ESF1: variants seen among roughly 807,000 people sequenced by gnomAD.
The protein encoded by ESF1 is ESF1 nucleolar pre-rRNA processing protein, also known as ESF1 homolog.
Under a neutral mutation model 92.0 loss-of-function variants are expected in ESF1, and 58 were observed. That is an observed-to-expected ratio of 0.63 (90% CI 0.51 to 0.78). The LOEUF is 0.78. ESF1 is among the 30% of genes least tolerant of loss of function. The pLI is 0.00. For missense variants in ESF1, 922 were observed against 989.1 expected (o/e 0.93, Z 0.91); for synonymous variants, 321 against 313.7 (o/e 1.02, Z -0.24).
At chr20:13,775,081 CCAA>C (rs1979865956) in intron 4 of ESF1, 73 bp downstream of exon 4, 1 of 785,380 alleles carries the variant, frequency 1.3e-6, no homozygotes, top group Non-Finnish European at 1.8e-6. Context: ...AAAACTATGG[CCAA>C]AAAAAAAAAA....
At chr20:13,720,680 C>T (rs2049861868) in intron 11 of ESF1, among the ~76,000 whole-genome samples, 3 of 152,150 alleles carry the variant, frequency 2.0e-5, no homozygotes, top group Admixed American at 2.0e-4. Context: ...TATATAGTAA[C>T]ATCTTGTATA....
At chr20:13,731,456 C>T (rs749118662) in intron 10 of ESF1, among the ~76,000 whole-genome samples, 5 of 148,974 alleles carry the variant, frequency 3.4e-5, no homozygotes, top group East Asian at 2.0e-4. Context: ...GGTGTGAACC[C>T]GGGAGGTGGA....
Position 13,772,496 on chromosome 20 carries a change from T to A in ESF1, c.1250+19A>T. ...TGAATTTATGAGGTTTAGTTTTATGTTCTATAGTGATTTAATACCAGTCTT... is the reference window on the plus strand; with the variant it reads ...TGAATTTATGAGGTTTAGTTTTATGATCTATAGTGATTTAATACCAGTCTT... On this transcript the variant is annotated intron_variant, in intron 5 of 13. Coordinates refer to ENST00000617257, the MANE Select transcript of ESF1 (RefSeq NM_001276380.2). 6.5e-7 allele frequency: 1 copy of A among 1,529,362 alleles called. No individual in the cohort carries two copies. Among genetic ancestry groups the A allele is most frequent in the Admixed American group, 1.7e-5 (1 of 59,924 alleles). 94.7% of individuals were successfully genotyped at this position (1,529,362 alleles called of 1,614,324 possible).
intron 9 of ESF1, among the ~76,000 whole-genome samples, chr20:13,751,448 G>A (rs1317564168): frequency 1.3e-5 from 2 of 152,164 alleles, no homozygotes; most frequent in African/African-American, 4.8e-5. Flanking sequence ...TAACAGTATA[G>A]TCTAGAAACG....
chr20:13,732,527 T>G (rs1234082613), intron 10 of ESF1, among the ~76,000 whole-genome samples: 1 of 152,028 alleles, frequency 6.6e-6, no homozygotes, highest in African/African-American at 2.4e-5. Flanking sequence ...ATAGAAACAG[T>G]ATAGTGGGGA....
At chr20:13,727,985 C>T (rs985593367) in intron 11 of ESF1, among the ~76,000 whole-genome samples, 3 of 152,122 alleles carry the variant, frequency 2.0e-5, no homozygotes, top group Admixed American at 2.0e-4. Context: ...TCTTGATAGA[C>T]TTTGCTGAGA....
At chr20:13,729,691 A>G (rs1417262652) in intron 10 of ESF1, among the ~76,000 whole-genome samples, 1 of 152,256 alleles carries the variant, frequency 6.6e-6, no homozygotes, top group Admixed American at 6.5e-5. Flanking sequence ...ACACAAAAGT[A>G]GGACAATGTA....
chr20:13,719,945 C>T (rs2049856195), intron 11 of ESF1, among the ~76,000 whole-genome samples: 1 of 152,174 alleles, frequency 6.6e-6, no homozygotes, highest in South Asian at 2.1e-4. Context: ...AACTTTCTAG[C>T]TCTATTACCA....
Position 13,783,193 on chromosome 20 carries a change from A to G in ESF1, c.-43-10T>C. The G allele has an allele frequency of 6.5e-7, 1 of 1,526,798 alleles. No homozygotes were observed. Among genetic ancestry groups the G allele is most frequent in the Non-Finnish European group, 8.8e-7 (1 of 1,133,134 alleles). 94.6% of individuals were successfully genotyped at this position (1,526,798 alleles called of 1,614,324 possible). A position where few individuals can be genotyped will look rare whatever the true frequency, so the allele number is the denominator to read the frequency against. On this transcript the variant is annotated splice_polypyrimidine_tract_variant and intron_variant, in intron 1 of 13. Coordinates refer to ENST00000617257, the MANE Select transcript of ESF1 (RefSeq NM_001276380.2). ...TTGAAGAAAACAAATACTGAAAAAT[A>G]AAACAAATGTTTTAATGGTAATAAT...
intron 11 of ESF1, among the ~76,000 whole-genome samples, chr20:13,720,368 T>C (rs1221131626): frequency 6.6e-6 from 1 of 152,090 alleles, no homozygotes; most frequent in East Asian, 1.9e-4. Context: ...CAGCAAGTCA[T>C]CTTTGGAACA....
At chr20:13,728,191 G>A (rs1230069531) in intron 11 of ESF1, among the ~76,000 whole-genome samples, 187 bp downstream of exon 11, 2 of 152,102 alleles carry the variant, frequency 1.3e-5, no homozygotes, top group African/African-American at 2.4e-5. Flanking sequence ...CTTGTATGTA[G>A]AAGGGACAAG....
chr20:13,749,382 T>C (rs1016989017), intron 9 of ESF1, among the ~76,000 whole-genome samples: 1 of 151,816 alleles, frequency 6.6e-6, no homozygotes, highest in Non-Finnish European at 1.5e-5. Context: ...GGAAAGCATA[T>C]ACCTTCAAAG....
rs774031716 is a variant in ESF1, at chr20:13,783,053, G to A, written c.88C>T (p.Arg30Ter). 1.2e-6 allele frequency: 2 copies of A among 1,613,800 alleles called. No individual in the cohort carries two copies. The highest frequency in any genetic ancestry group is 1.3e-5 in the African/African-American group (1 of 74,974). ...AATCTCTTGTCAATTTTGACTTTTC[G>A]ATCCTTTTCTGGCATTTCCCAAAAT... ...PRFWEMPEKDRKVKIDKRFRA... is the reference protein window; with the variant it reads ...PRFWEMPEKD The change falls in exon 2 of 14, where the codon CGA becomes TGA. Residue 30 changes from arginine (R) to a stop codon, truncating the protein, a stop_gained. Coordinates refer to ENST00000617257, the MANE Select transcript of ESF1 (RefSeq NM_001276380.2). LOFTEE classifies it high-confidence loss of function.
intron 8 of ESF1, chr20:13,762,854 GT>G (rs33986564): frequency 0.034 from 6,292 of 184,672 alleles, 5 homozygotes; most frequent in African/African-American, 0.053. Flanking sequence ...ATTTATTAAA[GT>G]TTTTTTTTTT....
intron 13 of ESF1, among the ~76,000 whole-genome samples, chr20:13,716,652 T>C (rs554317690): frequency 2.1e-4 from 32 of 150,124 alleles, no homozygotes; most frequent in Admixed American, 1.8e-3. Flanking sequence ...CTTTTTTTTT[T>C]TTTTTTGAGA....
chr20:13,728,330 C>A, intron 11 of ESF1, 48 bp downstream of exon 11: 1 of 1,447,388 alleles, frequency 6.9e-7, no homozygotes, highest in Non-Finnish European at 9.6e-7. Context: ...TGTACCTCAC[C>A]TTTTTCTTTA....
At position 13,721,900 on chromosome 20, in the gene ESF1, C is replaced by T. The variant is rs969164155; in HGVS notation, c.2039-2916G>A. Among the ~76,000 whole-genome samples, 9 of 150,776 alleles carry T rather than the reference C, an allele frequency of 6.0e-5. 1 individual carries two copies. Among genetic ancestry groups the T allele is most frequent in the African/African-American group, 2.2e-4 (9 of 40,168 alleles). On this transcript the variant is annotated intron_variant, in intron 11 of 13. Coordinates refer to ENST00000617257, the MANE Select transcript of ESF1 (RefSeq NM_001276380.2). ...TACGAATCTTAAGAGTATAATCTTT[C>T]TCTGTCTTAATGTATGTGTATGTCC...
At position 13,733,942 on chromosome 20, in the gene ESF1, A is replaced by G. The variant is rs539633568; in HGVS notation, c.1829-100T>C. ...GACAAATATAATTTATGCATATTTA[A>G]TAGAGTAACAAAGATAACATGCAAT... is the stretch of plus-strand genomic sequence containing the variant. On this transcript the variant is annotated intron_variant, in intron 9 of 13. Transcript: ENST00000617257. The G allele has an allele frequency of 1.2e-3, 1,662 of 1,339,050 alleles. 2 individuals are homozygous for G. Among genetic ancestry groups the G allele is most frequent in the Non-Finnish European group, 1.5e-3 (1,519 of 1,007,792 alleles). 82.9% of individuals were successfully genotyped at this position (1,339,050 alleles called of 1,614,324 possible). A position where few individuals can be genotyped will look rare whatever the true frequency, so the allele number is the denominator to read the frequency against.
intron 8 of ESF1, among the ~76,000 whole-genome samples, chr20:13,763,118 C>T (rs1172114453): frequency 6.6e-6 from 1 of 152,106 alleles, no homozygotes; most frequent in African/African-American, 2.4e-5. Context: ...GCCTCAGCCT[C>T]CCAAAGTGCT....
Sources: gnomAD v4.1 joint callset for allele counts (sites outside exome capture counted in the v4.1 genomes callset) on GRCh38, gnomAD v4.1.1 for gene constraint, MANE v1.5 for transcripts, NCBI Gene and HGNC (gene_info 2026-07-23, HGNC 2026-07-21) for gene names.